EIF4G3: variants seen among roughly 807,000 people sequenced by gnomAD.
EIF4G3 encodes eukaryotic translation initiation factor 4 gamma 3.
Under a neutral mutation model 186.4 loss-of-function variants are expected in EIF4G3, and 34 were observed. That is an observed-to-expected ratio of 0.18 (90% CI 0.14 to 0.24). The LOEUF is 0.24. EIF4G3 is among the 10% of genes least tolerant of loss of function. The pLI is 1.00. For missense variants in EIF4G3, 1,536 were observed against 1,948.5 expected, an observed-to-expected ratio of 0.79 and a Z score of 3.99; for synonymous variants, 673 against 679.5, an observed-to-expected ratio of 0.99 and a Z score of 0.15.
chr1:21,131,650 A>G (rs2097156893), intron 2 of EIF4G3, among the ~76,000 whole-genome samples: 1 of 152,196 alleles, frequency 6.6e-6, no homozygotes, highest in South Asian at 2.1e-4. Context: ...CCTTGTGAGA[A>G]GCAATACGAG....
In EIF4G3 at chr1:20,865,046, T is replaced by C. The variant is rs1409699617; in HGVS notation, c.2769+70A>G. On this transcript the variant is annotated intron_variant, in intron 21 of 36. Transcript: ENST00000602326. Reference sequence around the variant, plus strand: ...TAAGGTAGCAGGGAGATGCTGTATCTAGCTTCCTGAAATTTCTACTTTACA... The same window carrying C: ...TAAGGTAGCAGGGAGATGCTGTATCCAGCTTCCTGAAATTTCTACTTTACA... 10 of 1,567,298 alleles carry C rather than the reference T, an allele frequency of 6.4e-6. No homozygotes were observed. The South Asian group carries it at 8.2e-5, about 13-fold the overall frequency.
chr1:20,843,119 G>A (rs1332794626), intron 29 of EIF4G3, among the ~76,000 whole-genome samples: 1 of 151,980 alleles, frequency 6.6e-6, no homozygotes, highest in East Asian at 1.9e-4. Flanking sequence ...GATTACAGGT[G>A]TGAGCCACCA....
At chr1:20,920,982 A>C (rs1000305701) in intron 14 of EIF4G3, among the ~76,000 whole-genome samples, 1 of 152,144 alleles carries the variant, frequency 6.6e-6, no homozygotes, top group Non-Finnish European at 1.5e-5. Flanking sequence ...AACATAACTG[A>C]CTCATTTGAA....
intron 4 of EIF4G3, among the ~76,000 whole-genome samples, chr1:21,019,931 A>G (rs906628019): frequency 6.6e-6 from 1 of 152,156 alleles, no homozygotes; most frequent in Non-Finnish European, 1.5e-5. Context: ...TAATCAAGAA[A>G]CACTATAAAT....
intron 2 of EIF4G3, among the ~76,000 whole-genome samples, chr1:21,159,542 G>A (rs2097723068): frequency 6.6e-6 from 1 of 151,890 alleles, no homozygotes; most frequent in African/African-American, 2.4e-5. Context: ...TTCGAGACAA[G>A]ACTGGCCAAC....
chr1:20,863,237 A>G (rs1367209347), intron 22 of EIF4G3, among the ~76,000 whole-genome samples: 3 of 151,996 alleles, frequency 2.0e-5, no homozygotes, highest in Non-Finnish European at 4.4e-5. Context: ...GGGCCTTCCT[A>G]AAGAGACCAG....
intron 2 of EIF4G3, among the ~76,000 whole-genome samples, chr1:21,147,091 T>C (rs532405918): frequency 6.6e-6 from 1 of 151,572 alleles, no homozygotes; most frequent in East Asian, 2.0e-4. Context: ...TGAAACCCCA[T>C]TTCTACTAAA....
chr1:20,954,675 T>C (rs2096352656), intron 12 of EIF4G3, among the ~76,000 whole-genome samples: 1 of 152,176 alleles, frequency 6.6e-6, no homozygotes, highest in South Asian at 2.1e-4. Flanking sequence ...AATATGTGTG[T>C]ATTTCCTCCT....
chr1:21,001,932 T>C (rs1238521385), intron 5 of EIF4G3, among the ~76,000 whole-genome samples: 4 of 152,186 alleles, frequency 2.6e-5, no homozygotes, highest in Non-Finnish European at 5.9e-5. Flanking sequence ...AAGATATCCC[T>C]GAATTCTGAA....
At position 21,128,953 on chromosome 1, in the gene EIF4G3, T is replaced by G. The variant is rs540057787; in HGVS notation, c.-271-39740A>C. Reference sequence around the variant, plus strand: ...TCTTTAGCCCATTAGGGAGCTGAACTTGCAAGAAAACAAAATGAACTGAAT... The same window carrying G: ...TCTTTAGCCCATTAGGGAGCTGAACGTGCAAGAAAACAAAATGAACTGAAT... On this transcript the variant is annotated intron_variant, in intron 2 of 36. Transcript: ENST00000602326. Among the ~76,000 whole-genome samples the G allele has an allele frequency of 2.0e-5, 3 of 152,302 alleles. No homozygotes were observed. The East Asian group carries it at 5.8e-4, about 29-fold the overall frequency.
At chr1:21,128,425 G>A (rs1437987744) in intron 2 of EIF4G3, among the ~76,000 whole-genome samples, 3 of 151,278 alleles carry the variant, frequency 2.0e-5, no homozygotes, top group East Asian at 1.9e-4. Context: ...CAGCAGAATC[G>A]CTGGAACCTG....
chr1:20,961,291 G>C (rs535238134), intron 12 of EIF4G3, among the ~76,000 whole-genome samples: 1 of 152,254 alleles, frequency 6.6e-6, no homozygotes, highest in South Asian at 2.1e-4. Context: ...GCTGAGGCAG[G>C]AGAATCGCTT....
intron 10 of EIF4G3, among the ~76,000 whole-genome samples, chr1:20,976,932 T>C (rs770645918): frequency 6.6e-6 from 1 of 152,118 alleles, no homozygotes; most frequent in Non-Finnish European, 1.5e-5. Context: ...AGATTATGTA[T>C]ATTTTAAAAG....
chr1:21,104,218 GCTTAAAAGTCTT>G (rs1317323956), intron 2 of EIF4G3, among the ~76,000 whole-genome samples: 1 of 152,118 alleles, frequency 6.6e-6, no homozygotes, highest in Admixed American at 6.6e-5. Context: ...AAAGACAAAT[GCTTAAAAGTCTT>G]CTTGAAAGCA....
chr1:21,086,283 T>C (rs2095978079), intron 3 of EIF4G3, among the ~76,000 whole-genome samples: 1 of 141,842 alleles, frequency 7.1e-6, no homozygotes, highest in Non-Finnish European at 1.5e-5. Context: ...TACTGCAGCC[T>C]TTAACTCCTG....
intron 14 of EIF4G3, among the ~76,000 whole-genome samples, chr1:20,930,692 C>G (rs2095265951): frequency 6.6e-6 from 1 of 152,158 alleles, no homozygotes; most frequent in African/African-American, 2.4e-5. Context: ...TGCCACCATG[C>G]CTAGCCAGGC....
chr1:20,942,037 T>C lies in EIF4G3; in HGVS notation c.1117A>G (p.Thr373Ala). The stretch of plus-strand genomic sequence containing the variant: ...GGGTCTGATGTTTCTGTGCAAGATG[T>C]GAGGCTGGGTATAGGAATTGTGTCT... ...REDTIPIPSL[T>A]SCTETSDPLP... The change falls in exon 14 of 37, where the codon ACA (threonine) becomes GCA (alanine). Residue 373 changes from threonine to alanine, a missense_variant. By Grantham distance (58) the Thr-to-Ala change is moderately conservative. This residue lies in a region of EIF4G3 where 560 missense variants were observed against 547.8 expected (regional missense o/e 1.02). Transcript: ENST00000602326. 1 of 1,614,196 alleles carries C rather than the reference T, an allele frequency of 6.2e-7. No individual in the cohort carries two copies.
At chr1:21,105,197 C>A (rs1475797890) in intron 2 of EIF4G3, among the ~76,000 whole-genome samples, 1 of 152,096 alleles carries the variant, frequency 6.6e-6, no homozygotes, top group Non-Finnish European at 1.5e-5. Context: ...CCAAGGCAGG[C>A]AGATCATCTG....
chr1:21,145,435 C>CT (rs369144943), intron 2 of EIF4G3, among the ~76,000 whole-genome samples: 154 of 144,898 alleles, frequency 1.1e-3, no homozygotes, highest in South Asian at 3.7e-3. Flanking sequence ...TATTTTATGC[C>CT]TTTTTTTTTT....
Sources: allele counts gnomAD v4.1 joint callset (sites outside exome capture counted in the v4.1 genomes callset), GRCh38; gene constraint gnomAD v4.1.1; regional missense constraint gnomAD v4.1.1; transcripts MANE v1.5; gene names NCBI Gene and HGNC (gene_info 2026-07-23, HGNC 2026-07-21).